The following PCDHA7 variants were observed in gnomAD, a reference collection of about 807,000 sequenced individuals.
The protein encoded by PCDHA7 is protocadherin alpha-7.
A neutral mutation model predicts 57.2 loss-of-function variants in PCDHA7; 37 were observed. The ratio of observed to expected loss-of-function variants is 0.65; its 90% CI spans 0.50 to 0.85. PCDHA7 has a LOEUF of 0.85. Among genes scored for constraint, PCDHA7 ranks in the 40% least tolerant of loss-of-function variants. The pLI is 0.00. For synonymous variants in PCDHA7, 553 were observed against 558.8 expected, an observed-to-expected ratio of 0.99 and a Z score of 0.15; for missense variants, 1,188 against 1,241.8, an observed-to-expected ratio of 0.96 and a Z score of 0.65.
intron 1 of PCDHA7, among the ~76,000 whole-genome samples, chr5:140,903,774 C>A (rs1466112745): frequency 6.6e-6 from 1 of 152,122 alleles, no homozygotes; most frequent in African/African-American, 2.4e-5. Context: ...ACTTTTCTAT[C>A]CATAAACTAT....
intron 1 of PCDHA7, among the ~76,000 whole-genome samples, chr5:140,899,821 C>G (rs1286169760): frequency 1.3e-5 from 2 of 151,902 alleles, no homozygotes; most frequent in African/African-American, 4.8e-5. Flanking sequence ...TTTGTTTTTC[C>G]TTTTTGAGAC....
chr5:140,901,767 T>C (rs1341707404), intron 1 of PCDHA7, among the ~76,000 whole-genome samples: 5 of 152,252 alleles, frequency 3.3e-5, no homozygotes, highest in African/African-American at 1.2e-4. Flanking sequence ...AGGGATTGCA[T>C]TGAATTTGTA....
At chr5:140,872,910 T>C (rs2053978401) in intron 1 of PCDHA7, among the ~76,000 whole-genome samples, 2 of 152,232 alleles carry the variant, frequency 1.3e-5, no homozygotes, top group African/African-American at 4.8e-5. Context: ...CTCTATCTTG[T>C]AATGCCTTAT....
chr5:141,008,323 A>C lies in PCDHA7; in HGVS notation c.2504-1304A>C, dbSNP rs2098370005. ...CCCTAAACTGTAATTGAACATAAACAGTTTATTTGATGGAGCTTTTCACGT... is the reference window on the plus strand; with the variant it reads ...CCCTAAACTGTAATTGAACATAAACCGTTTATTTGATGGAGCTTTTCACGT... On this transcript the variant is annotated intron_variant, in intron 3 of 3. Transcript: ENST00000525929. 2.0e-5 allele frequency among the ~76,000 whole-genome samples: 3 copies of C among 152,242 alleles called. No individual in the cohort carries two copies. The South Asian group carries it at 6.2e-4, about 32-fold the overall frequency.
chr5:140,871,716 C>G (rs1315028077), intron 1 of PCDHA7: 6 of 796,846 alleles, frequency 7.5e-6, no homozygotes, highest in Non-Finnish European at 1.1e-5. Flanking sequence ...TGTCCTATTT[C>G]TCTTAATATT....
intron 1 of PCDHA7, chr5:140,882,355 C>T: frequency 6.2e-7 from 1 of 1,614,166 alleles, no homozygotes; most frequent in African/African-American, 1.3e-5. Context: ...CGGGTAGTGG[C>T]CAGCTCCACT....
In PCDHA7 at chr5:140,872,848, A is replaced by G. The variant is rs531539520; in HGVS notation, c.2355+36110A>G. ...AGCAGAGAAAAAATTAAATATATTA[A>G]TGTGAGTACCTACTGACAATTATCA... On this transcript the variant is annotated intron_variant, in intron 1 of 3. Transcript: ENST00000525929. Among the ~76,000 whole-genome samples the G allele has an allele frequency of 3.3e-5, 5 of 152,332 alleles. No individual in the cohort carries two copies. The South Asian group carries it at 1.0e-3, about 32-fold the overall frequency.
chr5:140,963,117 AAG>A (rs1292385306), intron 1 of PCDHA7, among the ~76,000 whole-genome samples: 1 of 152,182 alleles, frequency 6.6e-6, no homozygotes, highest in African/African-American at 2.4e-5. Flanking sequence ...CTTATAATTA[AAG>A]AGATAATATT....
intron 1 of PCDHA7, among the ~76,000 whole-genome samples, chr5:140,885,980 C>T (rs888571995): frequency 6.6e-6 from 1 of 151,942 alleles, no homozygotes; most frequent in African/African-American, 2.4e-5. Flanking sequence ...ATTATAGATT[C>T]GCATGTGGTT....
intron 1 of PCDHA7, among the ~76,000 whole-genome samples, chr5:140,971,967 A>C (rs2096509788): frequency 6.6e-6 from 1 of 152,118 alleles, no homozygotes; most frequent in Non-Finnish European, 1.5e-5. Flanking sequence ...ACTTTTTTTC[A>C]ATACTATGAG....
At position 140,836,210 on chromosome 5, in the gene PCDHA7, T is replaced by A; in HGVS notation, c.1827T>A (p.Tyr609Ter). 1 of 1,613,772 alleles carries A rather than the reference T, an allele frequency of 6.2e-7. No individual in the cohort carries two copies. ...ADSGYNAWLS[Y>*]ELQPVAAGAS... ...CAGGCTACAACGCGTGGCTTTCGTA[T>A]GAGTTGCAACCGGTGGCGGCCGGTG... The change falls in exon 1 of 4, where the codon TAT (tyrosine) becomes TAA (stop). Residue 609 changes from tyrosine (Y) to a stop codon, truncating the protein, a stop_gained. Coordinates refer to ENST00000525929, the MANE Select transcript of PCDHA7 (RefSeq NM_018910.3). LOFTEE classifies it high-confidence loss of function.
At chr5:140,887,532 C>T (rs1161154809) in intron 1 of PCDHA7, among the ~76,000 whole-genome samples, 1 of 152,152 alleles carries the variant, frequency 6.6e-6, no homozygotes, top group African/African-American at 2.4e-5. Flanking sequence ...GAGTCTTCCT[C>T]TCCCCACCCC....
chr5:140,971,919 C>G (rs529852735), intron 1 of PCDHA7, among the ~76,000 whole-genome samples: 1 of 152,162 alleles, frequency 6.6e-6, no homozygotes, highest in South Asian at 2.1e-4. Context: ...AGCCACACTG[C>G]TAGTGTTATT....
intron 1 of PCDHA7, chr5:140,842,531 T>G: frequency 6.2e-7 from 1 of 1,613,052 alleles, no homozygotes; most frequent in Non-Finnish European, 8.5e-7. Flanking sequence ...CTTCAAGAAT[T>G]ACTACTCGTT....
chr5:140,857,873 G>C, intron 1 of PCDHA7: 1 of 1,597,876 alleles, frequency 6.3e-7, no homozygotes, highest in Non-Finnish European at 8.6e-7. Flanking sequence ...GCTGTCGTAT[G>C]AATTGCAGTC....
intron 1 of PCDHA7, chr5:140,865,093 G>T (rs535527730): frequency 6.6e-6 from 1 of 152,216 alleles, no homozygotes; most frequent in African/African-American, 2.4e-5. Flanking sequence ...TATTAATAAA[G>T]GCACTTCCAC....
At chr5:140,857,418 C>T in intron 1 of PCDHA7, 1 of 1,598,514 alleles carries the variant, frequency 6.3e-7, no homozygotes, top group South Asian at 1.1e-5. Context: ...TTCGCGCAGT[C>T]CGAGTACACG....
rs558922738 is a variant in PCDHA7, at chr5:140,835,741, C to A, written c.1358C>A (p.Pro453Gln). 6.2e-7 allele frequency: 1 copy of A among 1,613,586 alleles called. No individual in the cohort carries two copies. Among genetic ancestry groups the A allele is most frequent in the Admixed American group, 1.7e-5 (1 of 60,002 alleles). Residue 453 changes from proline to glutamine, a missense_variant, in exon 1 of 4, where the codon CCG (proline) becomes CAG (glutamine). Physicochemically the swap from Pro to Gln is moderately conservative, Grantham distance 76 (BLOSUM62 -1). This residue lies in a region of PCDHA7 where 892 missense variants were observed against 788.5 expected (regional missense o/e 1.13). Transcript: ENST00000525929. ...GTGGCCGACGTGAACGACAACGCCC[C>A]GGCGTTCGCGCAGCCCGAGTATACG... ...VEVADVNDNA[P>Q]AFAQPEYTVF...
intron 1 of PCDHA7, chr5:140,843,861 G>T: frequency 1.1e-6 from 1 of 908,292 alleles, no homozygotes; most frequent in South Asian, 1.8e-5. Context: ...ATAATTAATT[G>T]AATTTTCTCA....
Sources: allele counts gnomAD v4.1 joint callset (sites outside exome capture counted in the v4.1 genomes callset), GRCh38; gene constraint gnomAD v4.1.1; regional missense constraint gnomAD v4.1.1; transcripts MANE v1.5; gene names NCBI Gene and HGNC (gene_info 2026-07-23, HGNC 2026-07-21).